The following ARHGAP24 variants were observed in gnomAD, a reference collection of about 807,000 sequenced individuals.
ARHGAP24 encodes the protein Rho GTPase activating protein 24, also known as rho GTPase-activating protein 24.
Under a neutral mutation model 76.4 loss-of-function variants are expected in ARHGAP24, and 50 were observed. That is an observed-to-expected ratio of 0.65 (90% confidence interval 0.52 to 0.83). The LOEUF (loss-of-function observed/expected upper bound fraction) is 0.83. ARHGAP24 is among the 40% of genes least tolerant of loss of function. The pLI is 0.00. For missense variants in ARHGAP24, 930 were observed against 914.2 expected (o/e 1.02, Z -0.22); for synonymous variants, 345 against 323.3 (o/e 1.07, Z -0.72).
chr4:85,568,678 G>A (rs972141934), intron 1 of ARHGAP24, among the ~76,000 whole-genome samples: 1 of 152,070 alleles, frequency 6.6e-6, no homozygotes, highest in African/African-American at 2.4e-5. Context: ...AGGGGAGAGT[G>A]TTTTCTGCAA....
At chr4:85,711,467 A>G (rs1724525161) in intron 2 of ARHGAP24, among the ~76,000 whole-genome samples, 1 of 152,178 alleles carries the variant, frequency 6.6e-6, no homozygotes, top group African/African-American at 2.4e-5. Context: ...ATTTTAATCT[A>G]TGAATAGATA....
intron 1 of ARHGAP24, among the ~76,000 whole-genome samples, chr4:85,506,746 C>T (rs1234402297): frequency 2.0e-5 from 3 of 152,222 alleles, no homozygotes; most frequent in Non-Finnish European, 2.9e-5. Context: ...CCTCTGTGGG[C>T]TGCACCCACT....
At chr4:85,992,303 C>A in intron 8 of ARHGAP24, 1 of 389,082 alleles carries the variant, frequency 2.6e-6, no homozygotes. Context: ...GGGCTATGGC[C>A]ATTTATTGTC....
chr4:85,531,078 A>G (rs552999644), intron 1 of ARHGAP24, among the ~76,000 whole-genome samples: 1 of 152,026 alleles, frequency 6.6e-6, no homozygotes, highest in East Asian at 1.9e-4. Context: ...TTCTTATGGT[A>G]TATGTGTTAA....
intron 3 of ARHGAP24, among the ~76,000 whole-genome samples, chr4:85,921,925 C>A (rs1448251431): frequency 6.6e-6 from 1 of 152,108 alleles, no homozygotes; most frequent in Non-Finnish European, 1.5e-5. Context: ...CCCACCACCC[C>A]ATTTGTGGAA....
intron 3 of ARHGAP24, among the ~76,000 whole-genome samples, chr4:85,899,431 A>G (rs1734373273): frequency 1.3e-5 from 2 of 152,194 alleles, no homozygotes; most frequent in Admixed American, 6.5e-5. Context: ...TCCAGAGGTC[A>G]CTAATTCTTT....
chr4:85,830,881 T>C (rs1367344692), intron 3 of ARHGAP24, among the ~76,000 whole-genome samples: 1 of 152,068 alleles, frequency 6.6e-6, no homozygotes, highest in Admixed American at 6.6e-5. Context: ...TGATTCTCCG[T>C]TGGAAACAGG....
intron 3 of ARHGAP24, among the ~76,000 whole-genome samples, chr4:85,769,526 A>G (rs1727050743): frequency 6.6e-6 from 1 of 152,220 alleles, no homozygotes; most frequent in Non-Finnish European, 1.5e-5. Flanking sequence ...GTGTATATAC[A>G]TATGTGTGTA....
At chr4:85,631,643 C>G (rs1031053252) in intron 2 of ARHGAP24, among the ~76,000 whole-genome samples, 1 of 151,970 alleles carries the variant, frequency 6.6e-6, no homozygotes, top group Non-Finnish European at 1.5e-5. Flanking sequence ...TATAGATTTC[C>G]TATTCTTTCT....
At position 85,987,497 on chromosome 4, in the gene ARHGAP24, A is replaced by G. The variant is rs189671293; in HGVS notation, c.929-7086A>G. Among the ~76,000 whole-genome samples, 674 of 152,224 alleles carry G rather than the reference A, an allele frequency of 4.4e-3. 18 individuals carry two copies. The highest frequency in any genetic ancestry group is 0.04 in the Admixed American group (611 of 15,270). ...CCAGGACATAAAATAGCTAATAGAA[A>G]AAGACCCAAATGTGATTGAGTCATT... On this transcript the variant is annotated intron_variant, in intron 8 of 9. Coordinates refer to ENST00000395184, the MANE Select transcript of ARHGAP24 (RefSeq NM_001025616.3).
rs563273992 is a variant in ARHGAP24, at chr4:85,863,149, T to A, written c.269-60499T>A. Among the ~76,000 whole-genome samples the A allele has an allele frequency of 7.9e-5, 12 of 152,216 alleles. No homozygotes were observed. In the South Asian group the frequency reaches 2.3e-3, roughly 29 times the overall value. ...CTAGCCACATTGGCCTTCTGGTGAT[T>A]CCTACACTACAACACAACAAGGATT... On this transcript the variant is annotated intron_variant, in intron 3 of 9. Transcript: ENST00000395184.
intron 1 of ARHGAP24, among the ~76,000 whole-genome samples, chr4:85,498,503 C>T (rs1355180424): frequency 1.3e-5 from 2 of 152,254 alleles, no homozygotes; most frequent in African/African-American, 2.4e-5. Flanking sequence ...TGTTTGTGAG[C>T]TCAGCCTCGT....
intron 3 of ARHGAP24, among the ~76,000 whole-genome samples, chr4:85,878,108 C>A (rs1578334978): frequency 6.6e-6 from 1 of 152,016 alleles, no homozygotes; most frequent in African/African-American, 2.4e-5. Context: ...ACTACTAAAA[C>A]AAGCTTATTT....
chr4:85,529,410 A>G (rs1295498852), intron 1 of ARHGAP24, among the ~76,000 whole-genome samples: 1 of 152,042 alleles, frequency 6.6e-6, no homozygotes, highest in Non-Finnish European at 1.5e-5. Flanking sequence ...ATTGCTGATT[A>G]AGAATAAAAT....
At chr4:85,853,239 G>A (rs781770458) in intron 3 of ARHGAP24, among the ~76,000 whole-genome samples, 6 of 152,192 alleles carry the variant, frequency 3.9e-5, no homozygotes, top group South Asian at 2.1e-4. Context: ...AGACTGCTGC[G>A]CTAGCAATGA....
At chr4:85,574,523 A>C (rs1727293217) in intron 2 of ARHGAP24, among the ~76,000 whole-genome samples, 1 of 152,214 alleles carries the variant, frequency 6.6e-6, no homozygotes, top group South Asian at 2.1e-4. Flanking sequence ...AGATATCTAT[A>C]GATAGCTCCA....
At chr4:85,834,955 A>T (rs1730183037) in intron 3 of ARHGAP24, among the ~76,000 whole-genome samples, 1 of 152,318 alleles carries the variant, frequency 6.6e-6, no homozygotes, top group East Asian at 1.9e-4. Context: ...CATATTTAGA[A>T]GTGTAATGAC....
intron 3 of ARHGAP24, among the ~76,000 whole-genome samples, chr4:85,751,014 T>C (rs887084362): frequency 4.3e-4 from 66 of 152,196 alleles, no homozygotes; most frequent in Non-Finnish European, 7.6e-4. Context: ...AGAATACACA[T>C]AAAAATAAGT....
At chr4:85,824,590 C>T (rs1008719609) in intron 3 of ARHGAP24, among the ~76,000 whole-genome samples, 17 of 152,088 alleles carry the variant, frequency 1.1e-4, no homozygotes, top group African/African-American at 4.1e-4. Context: ...TTGCAAATGT[C>T]GACCAATTCT....
Sources: allele counts gnomAD v4.1 joint callset (sites outside exome capture counted in the v4.1 genomes callset), GRCh38; gene constraint gnomAD v4.1.1; transcripts MANE v1.5; gene names NCBI Gene and HGNC (gene_info 2026-07-23, HGNC 2026-07-21).